PCGF5: variants seen among roughly 807,000 people sequenced by gnomAD.
PCGF5 encodes polycomb group RING finger protein 5.
PCGF5 carries 9 observed loss-of-function variants against 44.3 expected under a neutral mutation model. That is an observed-to-expected ratio of 0.20 (90% CI 0.12 to 0.35). The LOEUF is 0.35. Ranked by LOEUF, PCGF5 falls within the 10% of genes least tolerant of loss-of-function variation. The probability of loss-of-function intolerance (pLI) is 1.00; values close to 1 mark genes in which losing one functional copy is unlikely to be tolerated. For synonymous variants in PCGF5, 95 were observed against 102.5 expected (o/e 0.93, Z 0.44); for missense variants, 146 against 305.3 (o/e 0.48, Z 3.89).
intron 8 of PCGF5, among the ~76,000 whole-genome samples, chr10:91,269,252 C>A (rs1206559837): frequency 6.6e-6 from 1 of 152,198 alleles, no homozygotes; most frequent in Non-Finnish European, 1.5e-5. Context: ...TGCAGAATTA[C>A]AGAATCAGAT....
In PCGF5 at chr10:91,279,873, T is replaced by C. The variant is rs1846409570; in HGVS notation, c.*1557T>C. Reference sequence around the variant, plus strand: ...AAAATGATTCTTAGAAATAAGATATTGTACAACTCTAGCAAACATACAAAG... The same window carrying C: ...AAAATGATTCTTAGAAATAAGATATCGTACAACTCTAGCAAACATACAAAG... On this transcript the variant is annotated 3_prime_UTR_variant, in exon 10 of 10. Transcript: ENST00000336126. 6.6e-6 allele frequency: 1 copy of C among 152,122 alleles called. No individual in the cohort carries two copies. The highest frequency in any genetic ancestry group is 1.5e-5 in the Non-Finnish European group (1 of 67,952). 9.4% of individuals were successfully genotyped at this position (152,122 alleles called of 1,614,324 possible).
At chr10:91,259,934 G>A (rs1046353209) in intron 6 of PCGF5, among the ~76,000 whole-genome samples, 17 of 151,668 alleles carry the variant, frequency 1.1e-4, no homozygotes, top group African/African-American at 3.9e-4. Context: ...AACACCAAAA[G>A]CAATGGTAAC....
chr10:91,166,369 T>C (rs983894337), intron 1 of PCGF5, among the ~76,000 whole-genome samples: 1 of 152,228 alleles, frequency 6.6e-6, no homozygotes, highest in Non-Finnish European at 1.5e-5. Flanking sequence ...AGCAGTTGGA[T>C]AAATGGGTTT....
At chr10:91,227,421 A>G (rs1844874496) in intron 2 of PCGF5, 1 of 1,289,488 alleles carries the variant, frequency 7.8e-7, no homozygotes, top group South Asian at 1.2e-5. Flanking sequence ...ATGGGATGCC[A>G]GCACTCAGTT....
intron 6 of PCGF5, among the ~76,000 whole-genome samples, chr10:91,260,017 A>G (rs1243285940): frequency 3.3e-5 from 5 of 151,962 alleles, no homozygotes; most frequent in African/African-American, 9.7e-5. Context: ...CTACCATCAG[A>G]GTGAACAGGC....
intron 6 of PCGF5, among the ~76,000 whole-genome samples, chr10:91,259,716 G>C (rs1845847534): frequency 6.6e-6 from 1 of 152,148 alleles, no homozygotes; most frequent in Admixed American, 6.5e-5. Context: ...ACAAGAAATG[G>C]GGAAAGGATT....
At chr10:91,249,747 A>T (rs1364983212) in intron 5 of PCGF5, among the ~76,000 whole-genome samples, 1 of 151,844 alleles carries the variant, frequency 6.6e-6, no homozygotes. Flanking sequence ...TGATGCTAGA[A>T]TAAGGTAACA....
At chr10:91,160,596 G>T (rs1843364725), upstream of PCGF5, among the ~76,000 whole-genome samples, 1 of 152,114 alleles carries the variant, frequency 6.6e-6, no homozygotes, top group Admixed American at 6.5e-5. Context: ...CTGCCATCCT[G>T]CCCAGGGAGG....
intron 1 of PCGF5, among the ~76,000 whole-genome samples, chr10:91,207,814 G>C (rs1463083661): frequency 6.6e-6 from 1 of 152,130 alleles, no homozygotes; most frequent in East Asian, 1.9e-4. Context: ...AGTCAGGATA[G>C]ACATTTTGGG....
intron 1 of PCGF5, among the ~76,000 whole-genome samples, chr10:91,204,316 T>C (rs1394274184): frequency 1.5e-5 from 2 of 134,312 alleles, no homozygotes; most frequent in Non-Finnish European, 3.5e-5. Context: ...AACCTTAATC[T>C]GAATTAAGGT....
At chr10:91,236,293 C>T (rs1219548170) in intron 2 of PCGF5, among the ~76,000 whole-genome samples, 1 of 152,044 alleles carries the variant, frequency 6.6e-6, no homozygotes, top group East Asian at 1.9e-4. Flanking sequence ...CCTCACTTGC[C>T]CAGGGAGGAT....
At chr10:91,206,133 A>G (rs1012896129) in intron 1 of PCGF5, among the ~76,000 whole-genome samples, 20 of 152,210 alleles carry the variant, frequency 1.3e-4, no homozygotes, top group East Asian at 3.8e-4. Flanking sequence ...TAGTGCCACA[A>G]ATATTTATCG....
chr10:91,261,346 T>C lies in PCGF5; in HGVS notation c.495T>C (p.Ile165=), dbSNP rs191760973. 1.0e-5 allele frequency: 15 copies of C among 1,497,224 alleles called. No homozygotes were observed. In the Admixed American group the frequency reaches 1.2e-4, roughly 12 times the overall value. The allele number at this position is 1,497,224 out of a possible 1,614,324, so 92.7% of individuals were successfully genotyped here. ...TTTAGGGTTTAATGAAGAAATTCAT[T>C]CGATGTTCTACACGTGTAACTGTGG... ...NVVKGLMKKF[I]RCSTRVTVGT... Residue 165 remains isoleucine (I), a synonymous_variant, in exon 7 of 10, where the codon ATT becomes ATC. Coordinates refer to ENST00000336126, the MANE Select transcript of PCGF5 (RefSeq NM_032373.5).
intron 1 of PCGF5, among the ~76,000 whole-genome samples, chr10:91,195,944 G>A (rs1844125804): frequency 6.6e-6 from 1 of 150,694 alleles, no homozygotes; most frequent in African/African-American, 2.5e-5. Flanking sequence ...GGGCAACTGG[G>A]ACCTGTTCCC....
chr10:91,197,077 G>C (rs985676956), intron 1 of PCGF5, among the ~76,000 whole-genome samples: 22 of 152,222 alleles, frequency 1.4e-4, no homozygotes, highest in Admixed American at 1.4e-3. Flanking sequence ...TTAATGGCAT[G>C]TCCTGGTTGT....
chr10:91,261,963 A>G (rs951226698), intron 7 of PCGF5, among the ~76,000 whole-genome samples: 7 of 152,258 alleles, frequency 4.6e-5, no homozygotes, highest in Non-Finnish European at 1.0e-4. Context: ...CCTGATATTA[A>G]TCACAGCATA....
chr10:91,270,925 A>AT (rs1205145295), intron 8 of PCGF5, among the ~76,000 whole-genome samples: 2 of 151,958 alleles, frequency 1.3e-5, no homozygotes, highest in East Asian at 1.9e-4. Flanking sequence ...TTTGGGAATG[A>AT]TTTTTTTAAA....
At chr10:91,265,701 A>G (rs1363543388) in intron 8 of PCGF5, among the ~76,000 whole-genome samples, 4 of 152,166 alleles carry the variant, frequency 2.6e-5, no homozygotes, top group Non-Finnish European at 5.9e-5. Context: ...TCTTATGGGT[A>G]AGATATTTGG....
chr10:91,191,019 T>C (rs1844023098), intron 1 of PCGF5, among the ~76,000 whole-genome samples: 1 of 152,322 alleles, frequency 6.6e-6, no homozygotes, highest in Non-Finnish European at 1.5e-5. Flanking sequence ...CGCTGACAGT[T>C]ACAGTAGTTC....
Sources: allele counts gnomAD v4.1 joint callset (sites outside exome capture counted in the v4.1 genomes callset), GRCh38; gene constraint gnomAD v4.1.1; transcripts MANE v1.5; gene names NCBI Gene and HGNC (gene_info 2026-07-23, HGNC 2026-07-21).